Variants in INPP4B observed in about 807,000 individuals in gnomAD.
INPP4B encodes inositol polyphosphate 4-phosphatase type II.
Under a neutral mutation model 122.5 loss-of-function variants are expected in INPP4B, and 55 were observed. That is an observed-to-expected ratio of 0.45 (90% CI 0.36 to 0.56). INPP4B has a LOEUF of 0.56. INPP4B is among the 20% of genes least tolerant of loss of function. The pLI is 0.00. For missense variants in INPP4B, 1,000 were observed against 1,097.7 expected (o/e 0.91, Z 1.26); for synonymous variants, 403 against 388.7 (o/e 1.04, Z -0.43).
At chr4:142,410,683 C>G (rs1278088488) in intron 5 of INPP4B, among the ~76,000 whole-genome samples, 1 of 152,098 alleles carries the variant, frequency 6.6e-6, no homozygotes, top group Non-Finnish European at 1.5e-5. Context: ...ATTACTCAAT[C>G]TCTTTGAATC....
At chr4:142,409,126 T>G (rs1804061223) in intron 5 of INPP4B, among the ~76,000 whole-genome samples, 1 of 152,124 alleles carries the variant, frequency 6.6e-6, no homozygotes, top group Non-Finnish European at 1.5e-5. Flanking sequence ...CATCCCCAGC[T>G]CATATTTGTA....
chr4:142,379,228 C>A (rs747937222), intron 7 of INPP4B, among the ~76,000 whole-genome samples: 4 of 152,056 alleles, frequency 2.6e-5, no homozygotes, highest in Non-Finnish European at 5.9e-5. Context: ...CATCATTACC[C>A]AAGTTTGTAA....
In INPP4B at chr4:142,802,662, G is replaced by A. The variant is rs184390211; in HGVS notation, c.-254+43547C>T. 2.3e-3 allele frequency among the ~76,000 whole-genome samples: 350 copies of A among 152,070 alleles called. 5 individuals are homozygous for A. The highest frequency in any genetic ancestry group is 1.6e-3 in the Non-Finnish European group (110 of 67,982). On this transcript the variant is annotated intron_variant, in intron 1 of 25. Coordinates refer to ENST00000262992, the MANE Select transcript of INPP4B (RefSeq NM_001101669.3). ...CTCAAAGAACTCGCCTACTAAAATG[G>A]TACGGAAGTTACCTTGAAAGCACAG...
intron 9 of INPP4B, among the ~76,000 whole-genome samples, chr4:142,301,769 C>A (rs544772056): frequency 6.6e-6 from 1 of 152,246 alleles, no homozygotes; most frequent in African/African-American, 2.4e-5. Flanking sequence ...AGGCACACAA[C>A]AAAGCTGTGA....
intron 9 of INPP4B, among the ~76,000 whole-genome samples, chr4:142,271,349 C>T (rs1230950122): frequency 6.6e-6 from 1 of 152,130 alleles, no homozygotes; most frequent in Non-Finnish European, 1.5e-5. Flanking sequence ...GAGGTGCCCT[C>T]AAGGAAAGAA....
At chr4:142,674,682 G>C (rs1560948097) in intron 2 of INPP4B, among the ~76,000 whole-genome samples, 1 of 152,002 alleles carries the variant, frequency 6.6e-6, no homozygotes, top group African/African-American at 2.4e-5. Context: ...TCTCAGAATG[G>C]AGTGCAATGA....
Position 142,670,412 on chromosome 4 carries a change from A to G in INPP4B, c.-191+55427T>C, listed in dbSNP as rs112090276. 1.7e-3 allele frequency among the ~76,000 whole-genome samples: 264 copies of G among 152,314 alleles called. 2 individuals are homozygous for G. Among genetic ancestry groups the G allele is most frequent in the African/African-American group, 6.0e-3 (248 of 41,578 alleles). ...AACCTAAGCAAATGTCCATCAGTGG[A>G]TAAATAGGTGAAGAAAAAATGTGGT... On this transcript the variant is annotated intron_variant, in intron 2 of 25. Coordinates refer to ENST00000262992, the MANE Select transcript of INPP4B (RefSeq NM_001101669.3).
chr4:142,327,945 A>T (rs953412680), intron 7 of INPP4B, among the ~76,000 whole-genome samples: 3 of 152,278 alleles, frequency 2.0e-5, no homozygotes, highest in Middle Eastern at 3.4e-3. Flanking sequence ...TGTTGCCTAA[A>T]CTCAGGGCTG....
At chr4:142,130,364 A>T (rs1273065802) in intron 18 of INPP4B, among the ~76,000 whole-genome samples, 1 of 152,200 alleles carries the variant, frequency 6.6e-6, no homozygotes, top group Non-Finnish European at 1.5e-5. Flanking sequence ...GATTTGGAGA[A>T]GGCAGGAATA....
intron 7 of INPP4B, among the ~76,000 whole-genome samples, chr4:142,375,063 T>C (rs1395015057): frequency 6.6e-6 from 1 of 151,934 alleles, no homozygotes; most frequent in Non-Finnish European, 1.5e-5. Context: ...ACCCATCTTA[T>C]ACGGTCTAAT....
intron 14 of INPP4B, among the ~76,000 whole-genome samples, chr4:142,204,873 A>G (rs933457188): frequency 1.3e-5 from 2 of 152,016 alleles, no homozygotes; most frequent in South Asian, 4.1e-4. Flanking sequence ...AGCCCCCAGA[A>G]TTGTGAAAAA....
chr4:142,803,706 G>A (rs1195038324), intron 1 of INPP4B, among the ~76,000 whole-genome samples: 2 of 149,484 alleles, frequency 1.3e-5, no homozygotes, highest in African/African-American at 4.9e-5. Flanking sequence ...TATGAAGTAA[G>A]CAAGACACTG....
At chr4:142,336,505 C>A (rs900655618) in intron 7 of INPP4B, among the ~76,000 whole-genome samples, 1 of 152,350 alleles carries the variant, frequency 6.6e-6, no homozygotes, top group African/African-American at 2.4e-5. Context: ...GAGGCAGGAA[C>A]AAACGTGAGC....
intron 16 of INPP4B, among the ~76,000 whole-genome samples, chr4:142,164,292 T>C (rs1305469717): frequency 6.6e-6 from 1 of 151,824 alleles, no homozygotes; most frequent in African/African-American, 2.4e-5. Flanking sequence ...CTCAACAAAG[T>C]AAATAAAGTT....
chr4:142,673,946 G>A (rs1436033356), intron 2 of INPP4B, among the ~76,000 whole-genome samples: 1 of 152,110 alleles, frequency 6.6e-6, no homozygotes, highest in African/African-American at 2.4e-5. Flanking sequence ...ACAGCTGCCA[G>A]CAGTGTTGGC....
chr4:142,794,679 T>C (rs1263514063), intron 1 of INPP4B, among the ~76,000 whole-genome samples: 3 of 151,840 alleles, frequency 2.0e-5, no homozygotes, highest in Admixed American at 6.6e-5. Context: ...TAAGACACAA[T>C]CTGGGAGATA....
chr4:142,668,551 T>A (rs1183383167), intron 2 of INPP4B, among the ~76,000 whole-genome samples: 1 of 152,130 alleles, frequency 6.6e-6, no homozygotes, highest in African/African-American at 2.4e-5. Context: ...AAGGAATAAC[T>A]TAAATTGTCC....
At chr4:142,242,553 C>A (rs1363440853) in intron 11 of INPP4B, among the ~76,000 whole-genome samples, 1 of 152,136 alleles carries the variant, frequency 6.6e-6, no homozygotes, top group Non-Finnish European at 1.5e-5. Context: ...AAGCTAGAAG[C>A]TAGCTTCTAT....
intron 2 of INPP4B, among the ~76,000 whole-genome samples, chr4:142,531,581 G>A (rs983066973): frequency 6.6e-6 from 1 of 152,098 alleles, no homozygotes; most frequent in Non-Finnish European, 1.5e-5. Flanking sequence ...TGATGATGTA[G>A]CTTTCGACAT....
Sources: gnomAD v4.1 joint callset for allele counts (sites outside exome capture counted in the v4.1 genomes callset) on GRCh38, gnomAD v4.1.1 for gene constraint, MANE v1.5 for transcripts, NCBI Gene and HGNC (gene_info 2026-07-23, HGNC 2026-07-21) for gene names.